Variants in DNHD1 observed in about 807,000 individuals in gnomAD.
DNHD1 encodes the protein dynein heavy chain domain 1, also known as dynein heavy chain domain-containing protein 1.
A neutral mutation model predicts 458.1 loss-of-function variants in DNHD1; 383 were observed. The observed-to-expected ratio is 0.84, with a 90% confidence interval of 0.77 to 0.91. The LOEUF (loss-of-function observed/expected upper bound fraction) is 0.91. DNHD1 is among the 40% of genes least tolerant of loss of function. DNHD1 has a pLI of 0.00. For synonymous variants in DNHD1, 2,203 were observed against 2,376.9 expected, an observed-to-expected ratio of 0.93 and a Z score of 2.13; for missense variants, 5,336 against 5,866.1, an observed-to-expected ratio of 0.91 and a Z score of 2.95.
rs1361285525 is a variant in DNHD1 at position 6,557,836 on chromosome 11, G to A, written c.8541G>A (p.Glu2847=). Residue 2847 remains glutamate, a synonymous_variant, in exon 25 of 43, where the codon GAG becomes GAA. Coordinates refer to ENST00000254579, the MANE Select transcript of DNHD1 (RefSeq NM_144666.3). The stretch of plus-strand genomic sequence containing the variant: ...AACGACAGTGGGAGAAGCTAGAGGA[G>A]CAGTTGGCCACCTCAGCTGCTCAAC... The part of the protein sequence containing the change: ...YLERQWEKLE[E]QLATSAAQLK... 1.3e-6 allele frequency: 2 copies of A among 1,551,092 alleles called. No homozygotes were observed. The highest frequency in any genetic ancestry group is 3.9e-5 in the Admixed American group (2 of 50,994).
chr11:6,552,025 T>C (rs1392293316), intron 24 of DNHD1, among the ~76,000 whole-genome samples: 5 of 148,184 alleles, frequency 3.4e-5, no homozygotes, highest in African/African-American at 1.3e-4. Context: ...GGAGGATTTC[T>C]TAAGGCCAGG....
intron 12 of DNHD1, among the ~76,000 whole-genome samples, chr11:6,530,883 C>G (rs1852815576): frequency 6.6e-6 from 1 of 152,186 alleles, no homozygotes; most frequent in Non-Finnish European, 1.5e-5. Flanking sequence ...CTTCCTGATC[C>G]TCAATCCAGG....
intron 29 of DNHD1, 119 bp downstream of exon 29, chr11:6,563,250 A>G: frequency 6.6e-7 from 1 of 1,518,918 alleles, no homozygotes; most frequent in Non-Finnish European, 8.9e-7. Context: ...GGGGGAGGGG[A>G]CAAAGGTAAT....
intron 3 of DNHD1, among the ~76,000 whole-genome samples, chr11:6,502,194 G>A (rs1265235870): frequency 6.6e-6 from 1 of 152,132 alleles, no homozygotes; most frequent in Non-Finnish European, 1.5e-5. Flanking sequence ...AGGCTTGAGG[G>A]GGCCACCATT....
At position 6,528,571 on chromosome 11, in the gene DNHD1, C is replaced by T. The variant is rs755404164; in HGVS notation, c.1887C>T (p.Phe629=). Residue 629 remains phenylalanine (F), a synonymous_variant, in exon 11 of 43, where the codon TTC becomes TTT. Transcript: ENST00000254579. ...AAGACGAATTTCTGATGCCCAAGTT[C>T]CAGGGCCAGCCCAGCGATGCTGTGA... ...DSKDEFLMPK[F]QGQPSDAVSI... 4 of 1,551,318 alleles carry T rather than the reference C, an allele frequency of 2.6e-6. No individual in the cohort carries two copies. The South Asian group carries it at 3.6e-5, about 14-fold the overall frequency.
intron 34 of DNHD1, 90 bp from the exon 35 acceptor site, chr11:6,566,497 G>C (rs1434137203): frequency 1.3e-6 from 2 of 1,557,206 alleles, no homozygotes; most frequent in East Asian, 4.7e-5. Flanking sequence ...AGCAGGCACA[G>C]GTCTATAGCA....
In DNHD1 at chr11:6,556,697, T is replaced by C; in HGVS notation, c.7402T>C (p.Cys2468Arg). 1 of 1,543,442 alleles carries C rather than the reference T, an allele frequency of 6.5e-7. No homozygotes were observed. Among genetic ancestry groups the C allele is most frequent in the Non-Finnish European group, 8.8e-7 (1 of 1,140,304 alleles). The part of the protein sequence containing the change: ...HLATSDPEKS[C>R]QPVLETLRQA... ...ATGTCCCATAGACCCAGAGAAGAGCTGCCAGCCAGTGTTGGAGACTCTGCG... is the reference window on the plus strand; with the variant it reads ...ATGTCCCATAGACCCAGAGAAGAGCCGCCAGCCAGTGTTGGAGACTCTGCG... The change falls in exon 25 of 43, where the codon TGC (cysteine) becomes CGC (arginine). Residue 2468 changes from cysteine (C) to arginine (R), a missense_variant. Physicochemically the swap from Cys to Arg is radical, Grantham distance 180. Transcript: ENST00000254579.
Position 6,558,257 on chromosome 11 carries a change from G to A in DNHD1, c.8962G>A (p.Gly2988Ser). The A allele has an allele frequency of 6.4e-7, 1 of 1,551,570 alleles. No homozygotes were observed. Among genetic ancestry groups the A allele is most frequent in the Non-Finnish European group, 8.7e-7 (1 of 1,146,952 alleles). The change falls in exon 25 of 43, where the codon GGT becomes AGT. Residue 2988 changes from glycine (G) to serine (S), a missense_variant. Around this residue, in one of 4 missense-constraint regions of DNHD1, gnomAD observed 3,932 missense variants for 4,365.6 expected, o/e 0.90. Transcript: ENST00000254579. Reference sequence around the variant, plus strand: ...AGAACACCTCCCCAGGGAGAACCTTGGTGTCAAACAGAACATCAAGAAGGA... The same window carrying A: ...AGAACACCTCCCCAGGGAGAACCTTAGTGTCAAACAGAACATCAAGAAGGA... ...IGEHLPRENL[G>S]VKQNIKKEMV...
intron 29 of DNHD1, 97 bp downstream of exon 29, chr11:6,563,228 T>C: frequency 6.5e-7 from 1 of 1,534,890 alleles, no homozygotes; most frequent in Non-Finnish European, 8.8e-7. Context: ...TGACTCATCA[T>C]GGAATCTCCT....
At chr11:6,503,053 C>G (rs967544929) in intron 4 of DNHD1, 127 bp downstream of exon 4, 12 of 1,018,498 alleles carry the variant, frequency 1.2e-5, no homozygotes, top group Admixed American at 9.4e-5. Context: ...CCTCCTCTGA[C>G]TCTAGTGTCC....
At position 6,539,912 on chromosome 11, in the gene DNHD1, G is replaced by T. The variant is rs760673520; in HGVS notation, c.3457G>T (p.Glu1153Ter). 10 of 1,551,638 alleles carry T rather than the reference G, an allele frequency of 6.4e-6. No homozygotes were observed. The African/African-American group carries it at 6.8e-5, about 11-fold the overall frequency. ...TGAAAATGAACGAATTCATGCCCAAGAGACTATACGGCGGTTGCAGCGGTA... is the reference window on the plus strand; with the variant it reads ...TGAAAATGAACGAATTCATGCCCAATAGACTATACGGCGGTTGCAGCGGTA... ...QNENERIHAQ[E>*]TIRRLQRYWE... Residue 1153 changes from glutamate to a stop codon, truncating the protein, a stop_gained, in exon 18 of 43, where the codon GAG (glutamate) becomes TAG (stop). Coordinates refer to ENST00000254579, the MANE Select transcript of DNHD1 (RefSeq NM_144666.3). LOFTEE classifies it high-confidence loss of function.
intron 4 of DNHD1, chr11:6,508,357 A>T (rs1276180420): frequency 1.3e-5 from 2 of 153,054 alleles, no homozygotes; most frequent in Admixed American, 1.3e-4. Flanking sequence ...CGAATTTTCT[A>T]GTCTTCCTCT....
intron 4 of DNHD1, chr11:6,504,239 T>C (rs894863579): frequency 1.3e-5 from 2 of 152,380 alleles, no homozygotes; most frequent in African/African-American, 4.8e-5. Flanking sequence ...TTGATTCTAA[T>C]TCTCCTCCTC....
intron 28 of DNHD1, 149 bp downstream of exon 28, chr11:6,559,432 C>T: frequency 1.4e-6 from 1 of 693,184 alleles, no homozygotes; most frequent in South Asian, 1.9e-5. Context: ...GCTGCCTCCT[C>T]CTTTACAGCT....
At chr11:6,555,427 T>C (rs1264212986) in intron 24 of DNHD1, among the ~76,000 whole-genome samples, 1 of 152,260 alleles carries the variant, frequency 6.6e-6, no homozygotes, top group Non-Finnish European at 1.5e-5. Flanking sequence ...TGAAGGACTC[T>C]CTGGTCACAG....
In DNHD1 at chr11:6,547,137, C is replaced by A. The variant is rs1300980004; in HGVS notation, c.6198C>A (p.Asn2066Lys). The change falls in exon 21 of 43, where the codon AAC (asparagine) becomes AAA (lysine). Residue 2066 changes from asparagine (N) to lysine (K), a missense_variant. Transcript: ENST00000254579. ...TACTTCGTGCAGCCGGTCAGTGTAA[C>A]AACATGGGCCAAAAGAGGCAGACAG... ...PKVLRAAGQC[N>K]NMGQKRQTEE... The A allele has an allele frequency of 1.9e-6, 3 of 1,551,728 alleles. No homozygotes were observed. Among genetic ancestry groups the A allele is most frequent in the Non-Finnish European group, 1.7e-6 (2 of 1,146,978 alleles).
In DNHD1 at chr11:6,566,202, T is replaced by C. The variant is rs11821388; in HGVS notation, c.11054-39T>C. 1,119 of 1,546,088 alleles carry C rather than the reference T, an allele frequency of 7.2e-4. 12 individuals carry two copies. In the African/African-American group the frequency reaches 0.014, roughly 19 times the overall value. ...CCTGGGGAATGGGGATCATGGGTGC[T>C]GGCATTGTGGGTAGGGTGCCTTTGC... On this transcript the variant is annotated intron_variant, in intron 33 of 42. Coordinates refer to ENST00000254579, the MANE Select transcript of DNHD1 (RefSeq NM_144666.3).
Position 6,545,844 on chromosome 11 carries a change from A to T in DNHD1, c.4905A>T (p.Pro1635=). 6.4e-7 allele frequency: 1 copy of T among 1,551,882 alleles called. No individual in the cohort carries two copies. Among genetic ancestry groups the T allele is most frequent in the African/African-American group, 1.4e-5 (1 of 73,178 alleles). Residue 1635 remains proline, a synonymous_variant, in exon 21 of 43, where the codon CCA becomes CCT. Transcript: ENST00000254579. This position sits in a 1 kb window ranked among gnomAD's most constrained non-coding sequence, Gnocchi z 4.9. ...CATCTTCTGAACCCTCTCTGTCACC[A>T]GCGGCATGCTGGATAGATGTGCTAG... The part of the protein sequence containing the change: ...TIASSEPSLS[P]AACWIDVLGR...
rs1421267429 is a variant in DNHD1, at chr11:6,547,031, T to G, written c.6092T>G (p.Leu2031Arg). The change falls in exon 21 of 43, where the codon CTG becomes CGG. Residue 2031 changes from leucine (L) to arginine (R), a missense_variant. By Grantham distance (102) the Leu-to-Arg change is moderately radical. Coordinates refer to ENST00000254579, the MANE Select transcript of DNHD1 (RefSeq NM_144666.3). ...TGCCAGCCTGTGGAAATTACCCACC[T>G]GTACCCCAGTGGCCTCAGCCCCCAG... ...QGCQPVEITH[L>R]YPSGLSPQEF... The G allele has an allele frequency of 3.2e-6, 5 of 1,551,314 alleles. No individual in the cohort carries two copies. In the African/African-American group the frequency reaches 4.1e-5, roughly 13 times the overall value.
Sources: allele counts gnomAD v4.1 joint callset (sites outside exome capture counted in the v4.1 genomes callset), GRCh38; gene constraint gnomAD v4.1.1; regional missense constraint gnomAD v4.1.1; non-coding constraint Gnocchi (gnomAD v3.1); transcripts MANE v1.5; gene names NCBI Gene and HGNC (gene_info 2026-07-23, HGNC 2026-07-21).